MYT1L: variants seen among roughly 807,000 people sequenced by gnomAD.
The protein encoded by MYT1L is myelin transcription factor 1-like protein.
Under a neutral mutation model 126.7 loss-of-function variants are expected in MYT1L, and 12 were observed. The observed-to-expected ratio is 0.09, with a 90% CI of 0.06 to 0.15. The LOEUF (loss-of-function observed/expected upper bound fraction) is 0.15, where lower values mean the gene tolerates loss of function less well. MYT1L is among the 10% of genes least tolerant of loss of function. MYT1L has a pLI of 1.00. For synonymous variants in MYT1L, 541 were observed against 604.2 expected, an observed-to-expected ratio of 0.90 and a Z score of 1.53; for missense variants, 979 against 1,585.2, an observed-to-expected ratio of 0.62 and a Z score of 6.49.
chr2:2,157,879 T>C (rs1410452449), intron 3 of MYT1L, among the ~76,000 whole-genome samples: 1 of 152,060 alleles, frequency 6.6e-6, no homozygotes, highest in African/African-American at 2.4e-5. Flanking sequence ...TCCAGTCTTA[T>C]GTCCCTAAAT....
At chr2:1,939,144 G>A (rs1022371818) in intron 9 of MYT1L, among the ~76,000 whole-genome samples, 2 of 152,162 alleles carry the variant, frequency 1.3e-5, no homozygotes, top group Non-Finnish European at 2.9e-5. Flanking sequence ...GCACTCAGAC[G>A]GCCACCCTGT....
At chr2:1,868,287 A>G (rs1336791375) in intron 18 of MYT1L, among the ~76,000 whole-genome samples, 2 of 152,220 alleles carry the variant, frequency 1.3e-5, no homozygotes, top group Non-Finnish European at 2.9e-5. Context: ...TAAGAAAATC[A>G]TTTAAAAATG....
At chr2:2,321,985 A>G (rs897499290) in intron 1 of MYT1L, among the ~76,000 whole-genome samples, 1 of 152,158 alleles carries the variant, frequency 6.6e-6, no homozygotes, top group African/African-American at 2.4e-5. Context: ...TGGCTCAAAT[A>G]TTGTCAGCTT....
At chr2:1,933,018 C>T (rs2055229159) in intron 9 of MYT1L, among the ~76,000 whole-genome samples, 1 of 152,036 alleles carries the variant, frequency 6.6e-6, no homozygotes, top group South Asian at 2.1e-4. Context: ...CTGGGAGGCT[C>T]CCTGGAGGCT....
intron 5 of MYT1L, among the ~76,000 whole-genome samples, chr2:1,992,612 A>G (rs2061532422): frequency 6.6e-6 from 1 of 152,238 alleles, no homozygotes; most frequent in Admixed American, 6.5e-5. Context: ...ACACAGTGAA[A>G]GAGATCTGAC....
At chr2:1,941,624 G>A (rs1372779392) in intron 9 of MYT1L, among the ~76,000 whole-genome samples, 1 of 152,086 alleles carries the variant, frequency 6.6e-6, no homozygotes, top group Non-Finnish European at 1.5e-5. Flanking sequence ...CTACCATAGC[G>A]AGACAAAAAA....
In MYT1L at chr2:1,791,884, T is replaced by C. The variant is rs2032148452; in HGVS notation, c.3544A>G (p.Arg1182Gly). 1.2e-6 allele frequency: 2 copies of C among 1,605,846 alleles called. No homozygotes were observed. The highest frequency in any genetic ancestry group is 1.3e-5 in the African/African-American group (1 of 74,510). ...GCAGCTGTTCAGACCTGAATTCCTCTCACAGCCTGCTTTATATTTTCCAGT... is the reference window on the plus strand; with the variant it reads ...GCAGCTGTTCAGACCTGAATTCCTCCCACAGCCTGCTTTATATTTTCCAGT... ...ALLENIKQAV[R>G]GIQV is the part of the protein sequence containing the mutation. Residue 1182 changes from arginine (R) to glycine (G), a missense_variant, in exon 25 of 25, where the codon AGA (arginine) becomes GGA (glycine). Physicochemically the swap from Arg to Gly is moderately radical, Grantham distance 125. Around this residue, in one of 12 missense-constraint regions of MYT1L, gnomAD observed 179 missense variants for 398.6 expected, o/e 0.45. Coordinates refer to ENST00000647738, the MANE Select transcript of MYT1L (RefSeq NM_001303052.2). This position sits in a 1 kb window ranked among gnomAD's most constrained non-coding sequence, Gnocchi z 6.0.
At chr2:1,892,506 CTTTTT>C (rs5828877) in intron 14 of MYT1L, among the ~76,000 whole-genome samples, 6 of 134,254 alleles carry the variant, frequency 4.5e-5, no homozygotes, top group Admixed American at 1.5e-4. Context: ...TTCCTTTTTC[CTTTTT>C]TTTTTTTTTT....
intron 1 of MYT1L, among the ~76,000 whole-genome samples, chr2:2,289,732 G>A (rs952058646): frequency 2.0e-5 from 3 of 152,206 alleles, no homozygotes; most frequent in Admixed American, 6.5e-5. Context: ...TAACTGGGGT[G>A]AGAGCATGGC....
chr2:1,926,120 G>A (rs891080073), intron 9 of MYT1L, among the ~76,000 whole-genome samples: 8 of 152,180 alleles, frequency 5.3e-5, no homozygotes, highest in African/African-American at 1.2e-4. Context: ...CTCTCCCAGC[G>A]GCAGCAAATG....
intron 4 of MYT1L, among the ~76,000 whole-genome samples, chr2:2,019,673 A>G (rs1349619715): frequency 6.6e-6 from 1 of 152,202 alleles, no homozygotes; most frequent in African/African-American, 2.4e-5. Context: ...TTTGCTCTAC[A>G]TGTATCTACA....
chr2:1,918,056 C>T (rs543746479), intron 10 of MYT1L, among the ~76,000 whole-genome samples: 1 of 152,170 alleles, frequency 6.6e-6, no homozygotes, highest in African/African-American at 2.4e-5. Flanking sequence ...GAGGAAGGCT[C>T]GTAGAATGCC....
chr2:1,885,064 A>G (rs975959989), intron 18 of MYT1L: 15 of 152,242 alleles, frequency 9.9e-5, no homozygotes, highest in African/African-American at 3.4e-4. Flanking sequence ...AGCAACTTTT[A>G]CAGAGGCTGT....
intron 3 of MYT1L, among the ~76,000 whole-genome samples, chr2:2,110,270 T>C (rs185763331): frequency 1.3e-5 from 2 of 152,078 alleles, no homozygotes; most frequent in Non-Finnish European, 1.5e-5. Flanking sequence ...CCTACTATAA[T>C]ATAATATAGA....
chr2:1,886,516 G>C (rs912654711), intron 18 of MYT1L, 23 bp downstream of exon 18: 7 of 1,535,086 alleles, frequency 4.6e-6, no homozygotes, highest in Non-Finnish European at 6.2e-6. Flanking sequence ...TTTTAAAAGA[G>C]AATTATTGTC....
intron 24 of MYT1L, 149 bp from the exon 25 acceptor site, chr2:1,792,156 G>T: frequency 8.1e-7 from 1 of 1,231,744 alleles, no homozygotes; most frequent in Non-Finnish European, 1.1e-6. Flanking sequence ...TCTGGGGTCA[G>T]CCCCGCCCAT....
At chr2:1,925,542 T>C (rs2054114085) in intron 9 of MYT1L, among the ~76,000 whole-genome samples, 1 of 152,198 alleles carries the variant, frequency 6.6e-6, no homozygotes, top group African/African-American at 2.4e-5. Flanking sequence ...CTCCACTCAA[T>C]TCATAAGTTA....
At position 2,058,787 on chromosome 2, in the gene MYT1L, G is replaced by T. The variant is rs145750038; in HGVS notation, c.-303-4664C>A. Among the ~76,000 whole-genome samples, 1,150 of 152,292 alleles carry T rather than the reference G, an allele frequency of 7.6e-3. 16 individuals carry two copies. The highest frequency in any genetic ancestry group is 0.027 in the African/African-American group (1,105 of 41,542). On this transcript the variant is annotated intron_variant, in intron 3 of 24. Coordinates refer to ENST00000647738, the MANE Select transcript of MYT1L (RefSeq NM_001303052.2). ...GGTTTTCATCATCCCCTGTGGGGAG[G>T]ACAGTTCAGGTATGATTCTCTTACT...
At chr2:1,875,581 C>T (rs563924256) in intron 18 of MYT1L, among the ~76,000 whole-genome samples, 2 of 152,346 alleles carry the variant, frequency 1.3e-5, no homozygotes, top group Admixed American at 6.5e-5. Flanking sequence ...AAGGCGAGTG[C>T]CTCAGTTTCC....
Sources: allele counts gnomAD v4.1 joint callset (sites outside exome capture counted in the v4.1 genomes callset), GRCh38; gene constraint gnomAD v4.1.1; regional missense constraint gnomAD v4.1.1; non-coding constraint Gnocchi (gnomAD v3.1); transcripts MANE v1.5; gene names NCBI Gene and HGNC (gene_info 2026-07-23, HGNC 2026-07-21).